Variants in ACMSD observed in about 807,000 individuals in gnomAD.
ACMSD encodes 2-amino-3-carboxymuconate-6-semialdehyde decarboxylase.
ACMSD carries 37 observed loss-of-function variants against 45.9 expected under a neutral mutation model. The observed-to-expected ratio is 0.81, with a 90% CI of 0.62 to 1.06. The LOEUF (loss-of-function observed/expected upper bound fraction) is 1.06. Among genes scored for constraint, ACMSD ranks in the 50% least tolerant of loss-of-function variants. The pLI is 0.00. For missense variants in ACMSD, 434 were observed against 420.9 expected, an observed-to-expected ratio of 1.03 and a Z score of -0.27; for synonymous variants, 138 against 148.8, an observed-to-expected ratio of 0.93 and a Z score of 0.53.
chr2:134,840,167 CAAAAAAA>C (rs1158518481), intron 1 of ACMSD, among the ~76,000 whole-genome samples: 20 of 23,434 alleles, frequency 8.5e-4, no homozygotes, highest in African/African-American at 2.4e-3. Context: ...CTATACCTAG[CAAAAAAA>C]AAAAAAAAAA....
Position 134,898,413 on chromosome 2 carries a change from A to G in ACMSD, c.922A>G (p.Met308Val), listed in dbSNP as rs1317921999. The change falls in exon 9 of 10, where the codon ATG (methionine) becomes GTG (valine). Residue 308 changes from methionine to valine, a missense_variant. Physicochemically the swap from Met to Val is conservative, Grantham distance 21 (BLOSUM62 1). Transcript: ENST00000356140. Reference sequence around the variant, plus strand: ...GGAACCTGGGAAACTAATAGAGTCCATGGAAGAATTTGATGAAGAAACAAA... The same window carrying G: ...GGAACCTGGGAAACTAATAGAGTCCGTGGAAGAATTTGATGAAGAAACAAA... ...ELEPGKLIES[M>V]EEFDEETKNK... 6 of 1,598,274 alleles carry G rather than the reference A, an allele frequency of 3.8e-6. No homozygotes were observed. The highest frequency in any genetic ancestry group is 5.1e-6 in the Non-Finnish European group (6 of 1,173,508).
chr2:134,840,194 C>CAAAAA lies in ACMSD; in HGVS notation c.57+1455_57+1456insAAAAA, dbSNP rs1300580743. Among the ~76,000 whole-genome samples the CAAAAA allele has an allele frequency of 5.5e-4, 38 of 68,766 alleles. 2 individuals carry two copies. Among genetic ancestry groups the CAAAAA allele is most frequent in the Middle Eastern group, 0.011 (1 of 88 alleles). The allele number at this position is 68,766 out of a possible 152,430, so 45.1% of individuals were successfully genotyped here. On this transcript the variant is annotated intron_variant, in intron 1 of 9. Coordinates refer to ENST00000356140, the MANE Select transcript of ACMSD (RefSeq NM_138326.3). ...AAAAAAAAAAAAAAAAAAAAAAAAA[C>CAAAAA]CACTAATTCCTCTGTTACAGCTTTT...
intron 2 of ACMSD, among the ~76,000 whole-genome samples, chr2:134,847,338 A>G (rs1474176238): frequency 6.6e-6 from 1 of 152,092 alleles, no homozygotes; most frequent in Non-Finnish European, 1.5e-5. Flanking sequence ...AAATGAGCTT[A>G]GGTCTTTGAA....
chr2:134,864,919 T>C (rs1688027056), intron 5 of ACMSD, among the ~76,000 whole-genome samples: 1 of 152,218 alleles, frequency 6.6e-6, no homozygotes, highest in South Asian at 2.1e-4. Context: ...CTCATCTCAG[T>C]ACCAGGATTC....
intron 8 of ACMSD, among the ~76,000 whole-genome samples, chr2:134,895,771 G>A (rs995440867): frequency 6.6e-6 from 1 of 152,190 alleles, no homozygotes; most frequent in African/African-American, 2.4e-5. Flanking sequence ...TGAGGCAGGA[G>A]AATTGCCTGA....
rs1686998228 is a variant in ACMSD at position 134,845,295 on chromosome 2, T to A, written c.102+18T>A. On this transcript the variant is annotated intron_variant, in intron 2 of 9. Transcript: ENST00000356140. ...ACAGCAAGGTGAGTTTCTTCCAAAG[T>A]ATGAACATCAGTAGCACTCAGGGAG... The A allele has an allele frequency of 6.2e-7, 1 of 1,613,944 alleles. No homozygotes were observed. The highest frequency in any genetic ancestry group is 8.5e-7 in the Non-Finnish European group (1 of 1,179,972).
chr2:134,845,355 C>A, intron 2 of ACMSD, 78 bp downstream of exon 2: 1 of 1,512,592 alleles, frequency 6.6e-7, no homozygotes, highest in Non-Finnish European at 9.2e-7. Context: ...GCAGGCTGGG[C>A]CTCCAGGGAA....
chr2:134,879,671 TTTCC>T (rs1688931359), intron 8 of ACMSD, among the ~76,000 whole-genome samples: 1 of 152,230 alleles, frequency 6.6e-6, no homozygotes, highest in Admixed American at 6.5e-5. Flanking sequence ...TTCTTCTTTC[TTTCC>T]TTCCTTGTTT....
chr2:134,887,718 C>T (rs958869607), intron 8 of ACMSD, among the ~76,000 whole-genome samples: 2 of 152,176 alleles, frequency 1.3e-5, no homozygotes, highest in African/African-American at 4.8e-5. Flanking sequence ...TATATTCATC[C>T]TTATACGGTC....
intron 8 of ACMSD, among the ~76,000 whole-genome samples, chr2:134,897,547 T>C (rs542016931): frequency 6.4e-4 from 97 of 152,278 alleles, no homozygotes; most frequent in Non-Finnish European, 6.0e-4. Flanking sequence ...GGAATACATT[T>C]TGAGAAGTAA....
At chr2:134,849,758 A>G (rs1687242714) in intron 2 of ACMSD, among the ~76,000 whole-genome samples, 2 of 152,170 alleles carry the variant, frequency 1.3e-5, no homozygotes, top group Admixed American at 6.5e-5. Flanking sequence ...AATATTTATA[A>G]AAGTGTAAGT....
At position 134,847,393 on chromosome 2, in the gene ACMSD, GATAC is replaced by G. The variant is rs199552659; in HGVS notation, c.102+2118_102+2121del. Among the ~76,000 whole-genome samples the G allele has an allele frequency of 1.2e-4, 15 of 123,486 alleles. No individual in the cohort carries two copies. The South Asian group carries it at 1.8e-3, about 15-fold the overall frequency. The allele number at this position is 123,486 out of a possible 152,430, so 81.0% of individuals were successfully genotyped here. A position where few individuals can be genotyped will look rare whatever the true frequency, so the allele number is the denominator to read the frequency against. On this transcript the variant is annotated intron_variant, in intron 2 of 9. Coordinates refer to ENST00000356140, the MANE Select transcript of ACMSD (RefSeq NM_138326.3). The stretch of plus-strand genomic sequence containing the variant: ...GGGAACCACTAAAGAGTTTTTTGGG[GATAC>G]AGATAGATAGATAGATAGATAGATA...
intron 8 of ACMSD, among the ~76,000 whole-genome samples, chr2:134,885,212 TATATATTTATATATA>T (rs1689257678): frequency 1.6e-5 from 2 of 128,314 alleles, no homozygotes; most frequent in Non-Finnish European, 3.1e-5. Context: ...TATATACATA[TATATATTTATATATA>T]ATACATATGT....
intron 2 of ACMSD, among the ~76,000 whole-genome samples, chr2:134,853,949 A>G (rs1047337706): frequency 2.6e-5 from 4 of 152,234 alleles, no homozygotes; most frequent in African/African-American, 9.6e-5. Context: ...AGCCTACTAC[A>G]TAGACACCCA....
intron 3 of ACMSD, among the ~76,000 whole-genome samples, chr2:134,861,197 C>T (rs1365345281): frequency 6.6e-6 from 1 of 152,078 alleles, no homozygotes; most frequent in East Asian, 1.9e-4. Context: ...CTTCCCTGAC[C>T]TACAGCAAAG....
At chr2:134,839,690 T>C (rs956130804) in intron 1 of ACMSD, among the ~76,000 whole-genome samples, 1 of 152,218 alleles carries the variant, frequency 6.6e-6, no homozygotes, top group African/African-American at 2.4e-5. Context: ...TCTTTGTCCA[T>C]TGGTATCTTA....
chr2:134,872,177 T>C (rs1688487051), intron 7 of ACMSD, among the ~76,000 whole-genome samples: 1 of 152,164 alleles, frequency 6.6e-6, no homozygotes, highest in African/African-American at 2.4e-5. Flanking sequence ...CAGGATGGTC[T>C]CGATCTCCAG....
chr2:134,869,215 T>C (rs973261551), intron 6 of ACMSD, among the ~76,000 whole-genome samples: 1 of 151,640 alleles, frequency 6.6e-6, no homozygotes, highest in South Asian at 2.1e-4. Context: ...CATTTATTTA[T>C]TTATTTATTT....
intron 8 of ACMSD, among the ~76,000 whole-genome samples, chr2:134,881,377 G>T (rs543144697): frequency 6.6e-6 from 1 of 152,200 alleles, no homozygotes; most frequent in Admixed American, 6.5e-5. Context: ...TGTAGTAAAA[G>T]AAACGGTTCA....
Sources: allele counts gnomAD v4.1 joint callset (sites outside exome capture counted in the v4.1 genomes callset), GRCh38; gene constraint gnomAD v4.1.1; transcripts MANE v1.5; gene names NCBI Gene and HGNC (gene_info 2026-07-23, HGNC 2026-07-21).